Variants in CACNA1H observed in about 807,000 individuals in gnomAD.
CACNA1H encodes calcium voltage-gated channel subunit alpha1 H.
A neutral mutation model predicts 192.5 loss-of-function variants in CACNA1H; 149 were observed. The ratio of observed to expected loss-of-function variants is 0.77; its 90% confidence interval spans 0.68 to 0.89. CACNA1H has a LOEUF of 0.89. CACNA1H is among the 40% of genes least tolerant of loss of function. CACNA1H has a pLI of 0.00. For synonymous variants in CACNA1H, 2,202 were observed against 1,475.2 expected (o/e 1.49, Z -11.29); for missense variants, 4,257 against 3,423.5 (o/e 1.24, Z -6.08).
intron 9 of CACNA1H, among the ~76,000 whole-genome samples, chr16:1,203,127 C>A (rs1316559545): frequency 1.3e-5 from 2 of 152,174 alleles, no homozygotes; most frequent in African/African-American, 4.8e-5. Context: ...TGCCGGGATG[C>A]TGTGTGCCCT....
chr16:1,208,302 A>G, intron 16 of CACNA1H, 81 bp downstream of exon 16: 5 of 975,384 alleles, frequency 5.1e-6, no homozygotes, highest in Non-Finnish European at 7.8e-6. Context: ...CCTGAAGATG[A>G]GTGAGGGCCG....
chr16:1,163,183 C>T (rs1256133388), intron 2 of CACNA1H, among the ~76,000 whole-genome samples: 1 of 152,242 alleles, frequency 6.6e-6, no homozygotes, highest in Non-Finnish European at 1.5e-5. Flanking sequence ...CGACAGCCAC[C>T]TCCCCCAGCT....
rs1462542442 is a variant in CACNA1H, at chr16:1,204,788, C to G, written c.2452-326C>G. Among the ~76,000 whole-genome samples the G allele has an allele frequency of 3.4e-3, 416 of 121,846 alleles. 1 individual carries two copies. The highest frequency in any genetic ancestry group is 0.01 in the African/African-American group (334 of 32,390). The allele number at this position is 121,846 out of a possible 152,430, so 79.9% of individuals were successfully genotyped here. A position where few individuals can be genotyped will look rare whatever the true frequency, so the allele number is the denominator to read the frequency against. On this transcript the variant is annotated intron_variant, in intron 10 of 34. Coordinates refer to ENST00000348261, the MANE Select transcript of CACNA1H (RefSeq NM_021098.3). ...GGAGGGGTGGGAGCCGTGGGTGGGG[C>G]CCCAGATCAGTGCCGGGGAGGGGTG...
chr16:1,190,943 G>T (rs1339638912), intron 2 of CACNA1H, among the ~76,000 whole-genome samples: 1 of 147,376 alleles, frequency 6.8e-6, no homozygotes, highest in Non-Finnish European at 1.5e-5. Context: ...GACCCAGCAT[G>T]CTGGCCTGGT....
At position 1,195,908 on chromosome 16, in the gene CACNA1H, C is replaced by T; in HGVS notation, c.546-18C>T. ...CTGGGCTCCTTGTTGAGCTGCTCCC[C>T]CTCGGCCCCGCCCCCAGCATGATGG... On this transcript the variant is annotated intron_variant, in intron 4 of 34. Coordinates refer to ENST00000348261, the MANE Select transcript of CACNA1H (RefSeq NM_021098.3). 6.2e-7 allele frequency: 1 copy of T among 1,603,980 alleles called. No homozygotes were observed. Among genetic ancestry groups the T allele is most frequent in the Non-Finnish European group, 8.5e-7 (1 of 1,171,866 alleles).
chr16:1,170,410 C>A (rs1964249570), intron 2 of CACNA1H, among the ~76,000 whole-genome samples: 1 of 152,158 alleles, frequency 6.6e-6, no homozygotes, highest in African/African-American at 2.4e-5. Flanking sequence ...AAGCAGCTGT[C>A]AGCATGGTTT....
chr16:1,205,429 G>A (rs1968572961), intron 11 of CACNA1H, among the ~76,000 whole-genome samples, 164 bp downstream of exon 11: 1 of 152,148 alleles, frequency 6.6e-6, no homozygotes, highest in African/African-American at 2.4e-5. Flanking sequence ...TGGCCCAAGG[G>A]ACCGTCCTGG....
At chr16:1,178,588 G>A (rs560462299) in intron 2 of CACNA1H, among the ~76,000 whole-genome samples, 6 of 152,266 alleles carry the variant, frequency 3.9e-5, no homozygotes, top group African/African-American at 9.6e-5. Flanking sequence ...GCATGGTCTC[G>A]GACTCCAGCC....
At chr16:1,155,080 C>G (rs1221232555) in intron 2 of CACNA1H, among the ~76,000 whole-genome samples, 2 of 152,244 alleles carry the variant, frequency 1.3e-5, no homozygotes, top group Non-Finnish European at 2.9e-5. Flanking sequence ...CACTTCCCTA[C>G]CTTGTGTGTT....
chr16:1,216,068 C>T (rs949402901), intron 30 of CACNA1H, among the ~76,000 whole-genome samples: 2 of 152,194 alleles, frequency 1.3e-5, no homozygotes, highest in Admixed American at 6.5e-5. Context: ...TTGTCCCGTC[C>T]GTAGCCTCTA....
intron 3 of CACNA1H, 143 bp from the exon 4 acceptor site, chr16:1,195,289 C>A: frequency 2.8e-6 from 3 of 1,079,350 alleles, no homozygotes; most frequent in Non-Finnish European, 3.8e-6. Context: ...CGAGGCAGGG[C>A]TCAGTTCCTG....
Position 1,167,906 on chromosome 16 carries a change from C to G in CACNA1H, c.299+13870C>G, listed in dbSNP as rs1028307977. Among the ~76,000 whole-genome samples, 3 of 152,320 alleles carry G rather than the reference C, an allele frequency of 2.0e-5. No individual in the cohort carries two copies. The South Asian group carries it at 6.2e-4, about 32-fold the overall frequency. On this transcript the variant is annotated intron_variant, in intron 2 of 34. Transcript: ENST00000348261. This position sits in a 1 kb window ranked among gnomAD's most constrained non-coding sequence, Gnocchi z 4.2. The stretch of plus-strand genomic sequence containing the variant: ...AGCAGGTGCTCAGTAAGCACTCGCC[C>G]CACCAGTGCGTGGAGCACGTGGGGC...
intron 27 of CACNA1H, among the ~76,000 whole-genome samples, chr16:1,214,329 TAGA>T (rs1248679672): frequency 2.6e-5 from 4 of 152,348 alleles, no homozygotes; most frequent in Admixed American, 1.3e-4. Context: ...CCCAGCCTTT[TAGA>T]AGAAGGAGGT....
chr16:1,194,215 C>T (rs1966840663), intron 2 of CACNA1H, among the ~76,000 whole-genome samples: 1 of 152,186 alleles, frequency 6.6e-6, no homozygotes, highest in Non-Finnish European at 1.5e-5. Context: ...GGATGCCCAG[C>T]TCTGTCTCCT....
chr16:1,221,526 T>G lies in CACNA1H; in HGVS notation c.*532T>G. On this transcript the variant is annotated 3_prime_UTR_variant, in exon 35 of 35. Coordinates refer to ENST00000348261, the MANE Select transcript of CACNA1H (RefSeq NM_021098.3). ...CGCTCGGGCCTTCCCAGAAGCGTCC[T>G]GTGACTCTGGGAGAGGTGACACCTC... is the stretch of plus-strand genomic sequence containing the variant. 3 of 457,104 alleles carry G rather than the reference T, an allele frequency of 6.6e-6. No individual in the cohort carries two copies. Among genetic ancestry groups the G allele is most frequent in the Non-Finnish European group, 1.2e-5 (3 of 258,534 alleles). 28.3% of individuals were successfully genotyped at this position (457,104 alleles called of 1,614,324 possible).
At chr16:1,184,269 C>T (rs1445522204) in intron 2 of CACNA1H, among the ~76,000 whole-genome samples, 2 of 152,278 alleles carry the variant, frequency 1.3e-5, no homozygotes, top group African/African-American at 4.8e-5. Flanking sequence ...CTGCAGCAAG[C>T]ACTGAGTCCT....
At chr16:1,203,950 C>T in intron 9 of CACNA1H, 60 bp from the exon 10 acceptor site, 2 of 1,323,034 alleles carry the variant, frequency 1.5e-6, no homozygotes, top group Non-Finnish European at 1.0e-6. Flanking sequence ...GTGAGGGTTC[C>T]CGGGCCCTTG....
chr16:1,158,524 C>A (rs529778686), intron 2 of CACNA1H, among the ~76,000 whole-genome samples: 1 of 152,178 alleles, frequency 6.6e-6, no homozygotes, highest in South Asian at 2.1e-4. Flanking sequence ...CCGCACGCCC[C>A]GTGGGACGTC....
rs549584399 is a variant in CACNA1H, at chr16:1,207,856, C to A, written c.3150C>A (p.Thr1050=). 6.9e-6 allele frequency: 11 copies of A among 1,590,968 alleles called. No individual in the cohort carries two copies. In the South Asian group the frequency reaches 1.3e-4, roughly 18 times the overall value. The change falls in exon 15 of 35, where the codon ACC becomes ACA. Residue 1050 remains threonine (T), a synonymous_variant. Coordinates refer to ENST00000348261, the MANE Select transcript of CACNA1H (RefSeq NM_021098.3). The part of the protein sequence containing the change: ...EDFHKLRELQ[T]TELKMCSLAV... ...TCCACAAGCTCAGAGAACTCCAGACCACAGGTGCGTGTGGTCGGTGGGTGG... is the reference window on the plus strand; with the variant it reads ...TCCACAAGCTCAGAGAACTCCAGACAACAGGTGCGTGTGGTCGGTGGGTGG...
Sources: allele counts gnomAD v4.1 joint callset (sites outside exome capture counted in the v4.1 genomes callset), GRCh38; gene constraint gnomAD v4.1.1; non-coding constraint Gnocchi (gnomAD v3.1); transcripts MANE v1.5; gene names NCBI Gene and HGNC (gene_info 2026-07-23, HGNC 2026-07-21).